BCORL1: variants seen among roughly 807,000 people sequenced by gnomAD.
BCORL1 encodes the protein BCL-6 corepressor-like protein 1.
BCORL1 carries 7 observed loss-of-function variants against 87.6 expected under a neutral mutation model. The ratio of observed to expected loss-of-function variants is 0.08; its 90% CI spans 0.05 to 0.15. The LOEUF (loss-of-function observed/expected upper bound fraction) is 0.15. BCORL1 is among the 10% of genes least tolerant of loss of function. BCORL1 has a pLI of 1.00. For missense variants in BCORL1, 1,215 were observed against 1,499.7 expected, an observed-to-expected ratio of 0.81 and a Z score of 3.13; for synonymous variants, 591 against 634.4, an observed-to-expected ratio of 0.93 and a Z score of 1.03.
intron 4 of BCORL1, 47 bp downstream of exon 4, chrX:130,016,260 C>A: frequency 7.0e-6 from 8 of 1,138,739 alleles, no homozygotes; most frequent in Non-Finnish European, 9.3e-6. Flanking sequence ...TGCCGCTGGT[C>A]TACTTCGTGC....
At chrX:129,991,720 C>T (rs1459259450) in intron 1 of BCORL1, among the ~76,000 whole-genome samples, 4 of 84,481 alleles carry the variant, frequency 4.7e-5, no homozygotes, top group African/African-American at 9.8e-5. Context: ...TGCAGTGGTG[C>T]GATCTCGGCT....
At chrX:130,052,118 C>A (rs1044836947) in intron 13 of BCORL1, 102 bp downstream of exon 13, 138 of 871,665 alleles carry the variant, frequency 1.6e-4, no homozygotes, top group Non-Finnish European at 2.0e-4. Flanking sequence ...CAACGAGTGC[C>A]ATCACACATG....
chrX:129,981,256 C>T (rs1448207447), upstream of BCORL1: 1 of 110,994 alleles, frequency 9.0e-6, no homozygotes, highest in East Asian at 2.9e-4. Flanking sequence ...GGGCCGCGGA[C>T]CCTCCCCGCC....
At chrX:130,033,957 C>T (rs1369723943) in intron 8 of BCORL1, among the ~76,000 whole-genome samples, 1 of 110,045 alleles carries the variant, frequency 9.1e-6, no homozygotes, top group East Asian at 2.9e-4. Flanking sequence ...ACTCCAGCCT[C>T]AGTGACAAAG....
intron 2 of BCORL1, among the ~76,000 whole-genome samples, chrX:130,007,823 A>G (rs1928616847): frequency 8.9e-6 from 1 of 111,951 alleles, no homozygotes; most frequent in African/African-American, 3.2e-5. Context: ...AAATAATAAT[A>G]ATAAAAGAGG....
chrX:130,055,906 T>G lies in BCORL1; in HGVS notation c.5128T>G (p.Ser1710Ala). Reference sequence around the variant, plus strand: ...TGTCTTGAAGAGGCTGAAGCTTTCCTCGAGGATCTTTCAGGCCCGGTTCCC... The same window carrying G: ...TGTCTTGAAGAGGCTGAAGCTTTCCGCGAGGATCTTTCAGGCCCGGTTCCC... Reference protein sequence around the residue: ...SDVLKRLKLSSRIFQARFPHF... With the variant: ...SDVLKRLKLSARIFQARFPHF... Residue 1710 changes from serine to alanine, a missense_variant, in exon 14 of 14, where the codon TCG becomes GCG. Ser to Ala is a moderately conservative substitution (Grantham distance 99, BLOSUM62 1). Coordinates refer to ENST00000540052, the MANE Select transcript of BCORL1 (RefSeq NM_001379451.1). The G allele has an allele frequency of 8.3e-7, 1 of 1,212,026 alleles. No homozygotes were observed. The highest frequency in any genetic ancestry group is 1.1e-6 in the Non-Finnish European group (1 of 895,494).
Position 130,051,889 on chromosome X carries a change from C to G in BCORL1, c.4948C>G (p.Leu1650Val). Residue 1650 changes from leucine to valine, a missense_variant, in exon 13 of 14, where the codon CTA becomes GTA. Physicochemically the swap from Leu to Val is conservative, Grantham distance 32 (BLOSUM62 1). This residue lies in a region of BCORL1 where 129 missense variants were observed against 157.5 expected (regional missense o/e 0.82). Coordinates refer to ENST00000540052, the MANE Select transcript of BCORL1 (RefSeq NM_001379451.1). ...EEKDGFACDL[L>V]HNPPGSSDQE... ...AAAAGACGGGTTTGCCTGTGACCTC[C>G]TACATAATCCTCCTGGGAGCTCAGA... The G allele has an allele frequency of 1.7e-6, 2 of 1,206,077 alleles. No individual in the cohort carries two copies. Among genetic ancestry groups the G allele is most frequent in the Non-Finnish European group, 2.2e-6 (2 of 892,371 alleles).
chrX:130,002,987 A>G (rs368314840), intron 1 of BCORL1, among the ~76,000 whole-genome samples: 33 of 110,180 alleles, frequency 3.0e-4, no homozygotes, highest in African/African-American at 1.1e-3. Context: ...AGGAAAGACA[A>G]GAGAAGGGAG....
intron 11 of BCORL1, among the ~76,000 whole-genome samples, chrX:130,042,205 C>T (rs1412426876): frequency 1.8e-5 from 2 of 111,122 alleles, no homozygotes; most frequent in Non-Finnish European, 3.8e-5. Flanking sequence ...CCTCCTGCCT[C>T]AGCCTCCCAA....
chrX:130,021,072 A>G lies in BCORL1; in HGVS notation c.3529A>G (p.Arg1177Gly). 1.7e-6 allele frequency: 2 copies of G among 1,197,994 alleles called. No individual in the cohort carries two copies. The highest frequency in any genetic ancestry group is 2.2e-6 in the Non-Finnish European group (2 of 890,381). The change falls in exon 5 of 14, where the codon AGG becomes GGG. Residue 1177 changes from arginine (R) to glycine (G), a missense_variant. Transcript: ENST00000540052. ...SDSGKEHNGV[R>G]GKHKHRKPTK... is the part of the protein sequence containing the mutation. ...TTCAGGAAAAGAGCACAATGGAGTCAGGGGAAAGCACAAGCACCGGAAGCC... is the reference window on the plus strand; with the variant it reads ...TTCAGGAAAAGAGCACAATGGAGTCGGGGGAAAGCACAAGCACCGGAAGCC...
intron 2 of BCORL1, among the ~76,000 whole-genome samples, chrX:130,006,941 G>C (rs1472155821): frequency 8.9e-6 from 1 of 112,016 alleles, no homozygotes; most frequent in Non-Finnish European, 1.9e-5. Context: ...TCAATCCATT[G>C]ACTGTTTAAA....
Position 130,034,535 on chromosome X carries a change from CTCTAAG to C in BCORL1, c.4389_4394del (p.Lys1464_Ser1465del). The C allele has an allele frequency of 1.0e-6, 1 of 983,170 alleles. No individual in the cohort carries two copies. Among genetic ancestry groups the C allele is most frequent in the Non-Finnish European group, 1.3e-6 (1 of 756,060 alleles). The allele number at this position is 983,170 out of a possible 1,213,427, so 81.0% of individuals were successfully genotyped here. A position where few individuals can be genotyped will look rare whatever the true frequency, so the allele number is the denominator to read the frequency against. ...TGAAACCCACAGAACCATGTACACC[CTCTAAG>C]TCCCGAAGTGCCAGCTCAGAGGAGG... On this transcript the variant is annotated inframe_deletion, in exon 9 of 14. Coordinates refer to ENST00000540052, the MANE Select transcript of BCORL1 (RefSeq NM_001379451.1).
At position 130,057,425 on chromosome X, in the gene BCORL1, T is replaced by A. The variant is rs1188039436; in HGVS notation, c.*1289T>A. ...GTCGAGTGAGAGAGAGAGAGGAGCTTGGGTTGCTTCCCTGTCCCCGCCCCC... is the reference window on the plus strand; with the variant it reads ...GTCGAGTGAGAGAGAGAGAGGAGCTAGGGTTGCTTCCCTGTCCCCGCCCCC... On this transcript the variant is annotated 3_prime_UTR_variant, in exon 14 of 14. Coordinates refer to ENST00000540052, the MANE Select transcript of BCORL1 (RefSeq NM_001379451.1). 1 of 111,452 alleles carries A rather than the reference T, an allele frequency of 9.0e-6. No homozygotes were observed. The highest frequency in any genetic ancestry group is 3.3e-5 in the African/African-American group (1 of 30,606). 9.2% of individuals were successfully genotyped at this position (111,452 alleles called of 1,213,427 possible).
intron 1 of BCORL1, among the ~76,000 whole-genome samples, chrX:129,996,520 A>G (rs1468910164): frequency 8.9e-6 from 1 of 111,829 alleles, no homozygotes; most frequent in Non-Finnish European, 1.9e-5. Context: ...GTTGTGTTCC[A>G]TAAGTTGAGT....
intron 1 of BCORL1, among the ~76,000 whole-genome samples, chrX:129,983,102 C>G (rs1192950006): frequency 9.0e-6 from 1 of 111,211 alleles, no homozygotes; most frequent in Non-Finnish European, 1.9e-5. Flanking sequence ...TTCGCCCCTC[C>G]CTTCGGGACA....
intron 13 of BCORL1, among the ~76,000 whole-genome samples, chrX:130,053,666 G>A (rs1932202491): frequency 9.0e-6 from 1 of 111,573 alleles, no homozygotes; most frequent in Non-Finnish European, 1.9e-5. Flanking sequence ...ATCCTCTAGC[G>A]CTCGCTCTAG....
intron 1 of BCORL1, among the ~76,000 whole-genome samples, chrX:129,999,606 C>G (rs1254062375): frequency 4.6e-5 from 5 of 109,140 alleles, no homozygotes; most frequent in African/African-American, 1.7e-4. Context: ...AGTGGGATTA[C>G]AGGCCACTGC....
intron 6 of BCORL1, among the ~76,000 whole-genome samples, chrX:130,023,267 C>T (rs898368037): frequency 3.6e-5 from 4 of 111,977 alleles, no homozygotes; most frequent in Admixed American, 9.5e-5. Context: ...CTGTGCCACT[C>T]GGGAAAGCTG....
intron 13 of BCORL1, among the ~76,000 whole-genome samples, chrX:130,053,558 C>T (rs1048327235): frequency 6.2e-5 from 7 of 112,011 alleles, no homozygotes; most frequent in Non-Finnish European, 1.3e-4. Context: ...AGACAGAACA[C>T]GGGCCACGGA....
Sources: gnomAD v4.1 joint callset for allele counts (sites outside exome capture counted in the v4.1 genomes callset) on GRCh38, gnomAD v4.1.1 for gene constraint, gnomAD v4.1.1 regional missense constraint, MANE v1.5 for transcripts, NCBI Gene and HGNC (gene_info 2026-07-23, HGNC 2026-07-21) for gene names.